Variants in RALYL observed in about 807,000 individuals in gnomAD.
The protein encoded by RALYL is RALY RNA binding protein like.
Under a neutral mutation model 35.1 loss-of-function variants are expected in RALYL, and 29 were observed. The observed-to-expected ratio is 0.83, with a 90% CI of 0.61 to 1.13. The LOEUF (loss-of-function observed/expected upper bound fraction) is 1.13, where lower values mean the gene tolerates loss of function less well. RALYL is among the 50% of genes most tolerant of loss of function. The pLI, the probability that RALYL is intolerant of heterozygous loss-of-function variation, is 0.00. For synonymous variants in RALYL, 120 were observed against 127.6 expected (o/e 0.94, Z 0.40); for missense variants, 359 against 360.4 (o/e 1.00, Z 0.03).
At chr8:84,691,106 CAT>C (rs1243822453) in intron 2 of RALYL, among the ~76,000 whole-genome samples, 28 of 152,196 alleles carry the variant, frequency 1.8e-4, no homozygotes, top group East Asian at 5.8e-4. Flanking sequence ...AGAATTTCCA[CAT>C]GTCTGGCATT....
At chr8:84,889,276 C>G (rs1393759475) in intron 8 of RALYL, among the ~76,000 whole-genome samples, 2 of 152,184 alleles carry the variant, frequency 1.3e-5, no homozygotes, top group Non-Finnish European at 2.9e-5. Flanking sequence ...TCAACTCATT[C>G]TAATCAGATC....
intron 4 of RALYL, among the ~76,000 whole-genome samples, chr8:84,839,944 C>A (rs1364609558): frequency 1.3e-5 from 2 of 152,086 alleles, no homozygotes; most frequent in African/African-American, 4.8e-5. Flanking sequence ...ACAGAAAGGA[C>A]ATCCACACCA....
intron 1 of RALYL, among the ~76,000 whole-genome samples, chr8:84,493,275 A>G (rs910215060): frequency 5.9e-5 from 9 of 152,082 alleles, no homozygotes; most frequent in Non-Finnish European, 1.3e-4. Context: ...CATAGTATTC[A>G]GTGGCATATA....
chr8:84,368,949 G>A (rs1474564188), intron 1 of RALYL, among the ~76,000 whole-genome samples: 3 of 152,144 alleles, frequency 2.0e-5, no homozygotes, highest in African/African-American at 4.8e-5. Flanking sequence ...TGTCTGGCAC[G>A]TTAGTTTAGA....
chr8:84,656,089 A>T (rs138797142), intron 2 of RALYL, among the ~76,000 whole-genome samples: 1 of 152,282 alleles, frequency 6.6e-6, no homozygotes, highest in African/African-American at 2.4e-5. Context: ...TTCATAATCA[A>T]AGTCAGTTAT....
At chr8:84,838,297 T>C (rs1832454686) in intron 4 of RALYL, among the ~76,000 whole-genome samples, 1 of 152,134 alleles carries the variant, frequency 6.6e-6, no homozygotes, top group South Asian at 2.1e-4. Context: ...AGATAGAATC[T>C]GGAAAGAGAG....
chr8:84,596,699 C>T (rs1402180861), intron 2 of RALYL, among the ~76,000 whole-genome samples: 3 of 152,044 alleles, frequency 2.0e-5, no homozygotes, highest in African/African-American at 7.2e-5. Context: ...TGTTAGACAC[C>T]TATGGAAAAT....
intron 1 of RALYL, among the ~76,000 whole-genome samples, chr8:84,385,674 A>T (rs556378536): frequency 6.6e-6 from 1 of 151,924 alleles, no homozygotes; most frequent in East Asian, 2.0e-4. Context: ...TCAGAACTTG[A>T]TTGAACAGTT....
At chr8:84,206,550 G>C (rs1476635811) in intron 1 of RALYL, among the ~76,000 whole-genome samples, 1 of 152,162 alleles carries the variant, frequency 6.6e-6, no homozygotes, top group Non-Finnish European at 1.5e-5. Context: ...AGGACAATAT[G>C]AATTCCGTTT....
At chr8:84,261,915 A>G (rs1290101055) in intron 1 of RALYL, among the ~76,000 whole-genome samples, 3 of 152,192 alleles carry the variant, frequency 2.0e-5, no homozygotes, top group African/African-American at 7.2e-5. Flanking sequence ...TTAAAAAAAT[A>G]AAATTCACTA....
chr8:84,396,628 A>C (rs530315014), intron 1 of RALYL, among the ~76,000 whole-genome samples: 62 of 152,258 alleles, frequency 4.1e-4, no homozygotes, highest in South Asian at 1.9e-3. Context: ...AAAATTAATG[A>C]AAATTCCTTT....
rs10695999 is a variant in RALYL, at chr8:84,766,530, AAAATAAATAAAT to A, written c.257-8017_257-8006del. ...AACACGGTGAAACCCCATCTCTACT[AAAATAAATAAAT>A]AAATAAATAAATAAATAAATAAATA... On this transcript the variant is annotated intron_variant, in intron 2 of 8. Coordinates refer to ENST00000521268, the MANE Select transcript of RALYL (RefSeq NM_173848.7). 2.8e-4 allele frequency among the ~76,000 whole-genome samples: 35 copies of A among 125,068 alleles called. No individual in the cohort carries two copies. The South Asian group carries it at 3.2e-3, about 12-fold the overall frequency. The allele number at this position is 125,068 out of a possible 152,430, so 82.0% of individuals were successfully genotyped here. A position where few individuals can be genotyped will look rare whatever the true frequency, so the allele number is the denominator to read the frequency against.
intron 1 of RALYL, among the ~76,000 whole-genome samples, chr8:84,429,355 T>C (rs114474107): frequency 1.3e-5 from 2 of 152,290 alleles, no homozygotes; most frequent in African/African-American, 4.8e-5. Context: ...CTGTTGAGAT[T>C]TGACATCTTT....
intron 8 of RALYL, among the ~76,000 whole-genome samples, chr8:84,901,371 G>A (rs748852452): frequency 2.6e-5 from 4 of 152,178 alleles, no homozygotes; most frequent in East Asian, 3.9e-4. Context: ...ACAAAAAATC[G>A]TACCTCATGA....
At chr8:84,337,236 T>C (rs987699724) in intron 1 of RALYL, among the ~76,000 whole-genome samples, 1 of 151,964 alleles carries the variant, frequency 6.6e-6, no homozygotes, top group African/African-American at 2.4e-5. Context: ...TAAACTGGCA[T>C]TATTTTTCTG....
intron 2 of RALYL, among the ~76,000 whole-genome samples, chr8:84,739,115 T>A (rs1039526273): frequency 9.9e-5 from 15 of 152,038 alleles, no homozygotes; most frequent in Admixed American, 3.3e-4. Context: ...ACTCAGACAA[T>A]TTACATTCAT....
intron 1 of RALYL, among the ~76,000 whole-genome samples, chr8:84,406,137 A>T (rs2132076594): frequency 6.6e-6 from 1 of 151,396 alleles, no homozygotes; most frequent in South Asian, 2.1e-4. Flanking sequence ...ATAGTATTTT[A>T]TTTAAGTAAG....
intron 1 of RALYL, among the ~76,000 whole-genome samples, chr8:84,419,408 C>A (rs983381352): frequency 6.6e-6 from 1 of 152,056 alleles, no homozygotes; most frequent in Admixed American, 6.6e-5. Flanking sequence ...ACTGCCTTTC[C>A]AACATTTTCA....
chr8:84,538,102 C>T (rs146387115), intron 2 of RALYL, among the ~76,000 whole-genome samples: 4 of 152,148 alleles, frequency 2.6e-5, no homozygotes, highest in Admixed American at 6.5e-5. Flanking sequence ...CAAGCCTCCA[C>T]GATAGAGTGA....
Sources: allele counts gnomAD v4.1 joint callset (sites outside exome capture counted in the v4.1 genomes callset), GRCh38; gene constraint gnomAD v4.1.1; transcripts MANE v1.5; gene names NCBI Gene and HGNC (gene_info 2026-07-23, HGNC 2026-07-21).